TICRR: variants seen among roughly 807,000 people sequenced by gnomAD.
TICRR encodes the protein TOPBP1 interacting checkpoint and replication regulator.
A neutral mutation model predicts 178.1 loss-of-function variants in TICRR; 132 were observed. The ratio of observed to expected loss-of-function variants is 0.74; its 90% CI spans 0.64 to 0.86. The LOEUF (loss-of-function observed/expected upper bound fraction) is 0.86, where lower values mean the gene tolerates loss of function less well. Ranked by LOEUF, TICRR falls within the 40% of genes least tolerant of loss-of-function variation. The pLI, the probability that TICRR is intolerant of heterozygous loss-of-function variation, is 0.00. For synonymous variants in TICRR, 991 were observed against 900.7 expected (o/e 1.10, Z -1.79); for missense variants, 2,587 against 2,334.3 (o/e 1.11, Z -2.23).
intron 19 of TICRR, among the ~76,000 whole-genome samples, chr15:89,622,463 T>C (rs941529065): frequency 6.6e-6 from 1 of 152,254 alleles, no homozygotes; most frequent in African/African-American, 2.4e-5. Flanking sequence ...TTCACTTTGC[T>C]TAAAGCTCTA....
At chr15:89,613,893 G>A (rs909616085) in intron 15 of TICRR, among the ~76,000 whole-genome samples, 6 of 152,028 alleles carry the variant, frequency 3.9e-5, no homozygotes, top group African/African-American at 7.3e-5. Flanking sequence ...GGTGGCTCAC[G>A]CCTGTAATCC....
intron 2 of TICRR, among the ~76,000 whole-genome samples, chr15:89,583,517 T>C (rs1445434371): frequency 6.6e-6 from 1 of 152,212 alleles, no homozygotes; most frequent in Non-Finnish European, 1.5e-5. Flanking sequence ...CTGTTGTACA[T>C]TATGTGCAGT....
rs71151513 is a variant in TICRR, at chr15:89,577,599, C to CTTTTTTTTTT, written c.654+1377_654+1386dup. On this transcript the variant is annotated intron_variant, in intron 1 of 21. Coordinates refer to ENST00000268138, the MANE Select transcript of TICRR (RefSeq NM_152259.4). The stretch of plus-strand genomic sequence containing the variant: ...ATACAGAGTGGTAGTGAGGGAAGGC[C>CTTTTTTTTTT]TTTTTTTTTTTTTTTTTTTTTTTTT... 1.3e-3 allele frequency among the ~76,000 whole-genome samples: 78 copies of CTTTTTTTTTT among 60,872 alleles called. 12 individuals carry two copies. Among genetic ancestry groups the CTTTTTTTTTT allele is most frequent in the African/African-American group, 5.8e-3 (75 of 12,956 alleles). The allele number at this position is 60,872 out of a possible 152,430, so 39.9% of individuals were successfully genotyped here.
intron 1 of TICRR, 86 bp downstream of exon 1, chr15:89,576,326 A>G (rs1650376487): frequency 7.8e-7 from 1 of 1,279,790 alleles, no homozygotes; most frequent in East Asian, 2.5e-5. Context: ...GAACAGCCAC[A>G]GACCCCGAAT....
chr15:89,621,772 A>G (rs1385227428), intron 19 of TICRR, among the ~76,000 whole-genome samples: 1 of 152,120 alleles, frequency 6.6e-6, no homozygotes, highest in Non-Finnish European at 1.5e-5. Context: ...AGGAGGAGAT[A>G]GAGAGGATCT....
At chr15:89,596,461 C>G (rs997752196) in intron 7 of TICRR, among the ~76,000 whole-genome samples, 2 of 152,282 alleles carry the variant, frequency 1.3e-5, no homozygotes, top group African/African-American at 4.8e-5. Flanking sequence ...ATTCTCCTGT[C>G]TCAGCCTCCC....
intron 18 of TICRR, among the ~76,000 whole-genome samples, chr15:89,620,642 T>C (rs928301027): frequency 9.0e-6 from 1 of 110,930 alleles, no homozygotes; most frequent in African/African-American, 3.0e-5. Flanking sequence ...CATAAATAGG[T>C]GGGATTTTCC....
Position 89,606,765 on chromosome 15 carries a change from C to T in TICRR, c.2665-3C>T, listed in dbSNP as rs1435898452. Reference sequence around the variant, plus strand: ...TTTCTTTCTGGATTTTCTCATGTTTCAGGAGAACTCTCACCCTGCTCCTCA... The same window carrying T: ...TTTCTTTCTGGATTTTCTCATGTTTTAGGAGAACTCTCACCCTGCTCCTCA... On this transcript the variant is annotated splice_region_variant and splice_polypyrimidine_tract_variant and intron_variant, in intron 13 of 21. Coordinates refer to ENST00000268138, the MANE Select transcript of TICRR (RefSeq NM_152259.4). The T allele has an allele frequency of 4.3e-6, 7 of 1,613,334 alleles. No homozygotes were observed.
intron 18 of TICRR, among the ~76,000 whole-genome samples, chr15:89,620,943 C>T (rs1050867350): frequency 2.3e-4 from 35 of 151,346 alleles, no homozygotes; most frequent in African/African-American, 7.1e-4. Flanking sequence ...AGGATAGTCT[C>T]GATCTCCGAC....
intron 3 of TICRR, among the ~76,000 whole-genome samples, chr15:89,585,463 G>A (rs1258467041): frequency 6.6e-6 from 1 of 152,144 alleles, no homozygotes; most frequent in Non-Finnish European, 1.5e-5. Context: ...GATTCAGTAA[G>A]CACATAGTAA....
chr15:89,584,069 A>C (rs1036043933), intron 2 of TICRR, among the ~76,000 whole-genome samples: 5 of 152,206 alleles, frequency 3.3e-5, no homozygotes, highest in Non-Finnish European at 7.3e-5. Context: ...CCATTTGTTT[A>C]TAGCTTTTTC....
Position 89,575,553 on chromosome 15 carries a change from C to G in TICRR, c.-34C>G. Reference sequence around the variant, plus strand: ...GGACTAAGGGACGGTGGCGCGGGCCCGGACCGGGGCCCCGGGGCGGCGGCA... The same window carrying G: ...GGACTAAGGGACGGTGGCGCGGGCCGGGACCGGGGCCCCGGGGCGGCGGCA... On this transcript the variant is annotated 5_prime_UTR_variant, in exon 1 of 22. Transcript: ENST00000268138. The G allele has an allele frequency of 6.9e-7, 1 of 1,447,822 alleles. No individual in the cohort carries two copies. The highest frequency in any genetic ancestry group is 9.0e-7 in the Non-Finnish European group (1 of 1,108,296). 89.7% of individuals were successfully genotyped at this position (1,447,822 alleles called of 1,614,324 possible). A position where few individuals can be genotyped will look rare whatever the true frequency, so the allele number is the denominator to read the frequency against.
At position 89,576,230 on chromosome 15, in the gene TICRR, A is replaced by C; in HGVS notation, c.644A>C (p.Glu215Ala). 6.3e-7 allele frequency: 1 copy of C among 1,579,488 alleles called. No homozygotes were observed. The highest frequency in any genetic ancestry group is 8.6e-7 in the Non-Finnish European group (1 of 1,168,992). Residue 215 changes from glutamate to alanine, a missense_variant, in exon 1 of 22, where the codon GAA becomes GCA. By Grantham distance (107) the Glu-to-Ala change is moderately radical. Transcript: ENST00000268138. ...ACCTTCTACTGGGTGGATACCACCG[A>C]ATGGTCTAAGGTAAGGAAGGTTACT... is the stretch of plus-strand genomic sequence containing the variant. ...KITFYWVDTT[E>A]WSKLWESPDH... is the part of the protein sequence containing the mutation.
intron 18 of TICRR, among the ~76,000 whole-genome samples, chr15:89,620,449 C>T (rs769052079): frequency 1.3e-5 from 2 of 152,050 alleles, no homozygotes; most frequent in Non-Finnish European, 2.9e-5. Context: ...CTCAAGTGAT[C>T]CATCTGCCTC....
chr15:89,601,238 A>T (rs922583519), intron 9 of TICRR, 60 bp from the exon 10 acceptor site: 14 of 1,454,202 alleles, frequency 9.6e-6, no homozygotes, highest in Non-Finnish European at 1.3e-5. Context: ...TGCTTACGGA[A>T]GGAGCTTTTT....
At chr15:89,625,869 T>G in intron 20 of TICRR, 67 bp from the exon 21 acceptor site, 2 of 1,543,710 alleles carry the variant, frequency 1.3e-6, no homozygotes, top group South Asian at 2.6e-5. Flanking sequence ...GAGTTGCTTC[T>G]TGGGAGGCCT....
intron 12 of TICRR, 40 bp from the exon 13 acceptor site, chr15:89,602,756 C>T (rs1436117054): frequency 5.1e-6 from 5 of 986,426 alleles, no homozygotes; most frequent in Non-Finnish European, 6.9e-6. Context: ...CTATATATAA[C>T]CTCTATCTAG....
At chr15:89,607,670 T>C (rs1402911819) in intron 14 of TICRR, among the ~76,000 whole-genome samples, 1 of 152,134 alleles carries the variant, frequency 6.6e-6, no homozygotes, top group African/African-American at 2.4e-5. Context: ...ATAACCTTAA[T>C]GTGAACCTTT....
chr15:89,584,195 C>A, intron 2 of TICRR, 91 bp from the exon 3 acceptor site: 1 of 1,241,652 alleles, frequency 8.1e-7, no homozygotes, highest in Non-Finnish European at 1.1e-6. Context: ...GTTATTAAAT[C>A]TCTTTTTAGT....
Sources: allele counts gnomAD v4.1 joint callset (sites outside exome capture counted in the v4.1 genomes callset), GRCh38; gene constraint gnomAD v4.1.1; transcripts MANE v1.5; gene names NCBI Gene and HGNC (gene_info 2026-07-23, HGNC 2026-07-21).